The following ITGA6 variants were observed in gnomAD, a reference collection of about 807,000 sequenced individuals.
The protein encoded by ITGA6 is integrin alpha-6.
In ITGA6, 63 loss-of-function variants were observed where a neutral mutation model predicts 133.6. The observed-to-expected ratio is 0.47, with a 90% CI of 0.38 to 0.58. The LOEUF is 0.58. Among genes scored for constraint, ITGA6 ranks in the 20% least tolerant of loss-of-function variants. ITGA6 has a pLI of 0.00. For synonymous variants in ITGA6, 434 were observed against 482.0 expected (o/e 0.90, Z 1.30); for missense variants, 1,068 against 1,309.4 (o/e 0.82, Z 2.85).
In ITGA6 at chr2:172,450,210, C is replaced by T. The variant is rs142953307; in HGVS notation, c.183-15329C>T. Among the ~76,000 whole-genome samples, 35 of 152,254 alleles carry T rather than the reference C, an allele frequency of 2.3e-4. No homozygotes were observed. The East Asian group carries it at 3.1e-3, about 13-fold the overall frequency. Reference sequence around the variant, plus strand: ...ATTCAAATTTCATTCCATTGCCCATCGGAACCCACTGGAGGGCTGTAAGCA... The same window carrying T: ...ATTCAAATTTCATTCCATTGCCCATTGGAACCCACTGGAGGGCTGTAAGCA... On this transcript the variant is annotated intron_variant, in intron 1 of 25. Transcript: ENST00000684293.
chr2:172,470,122 CTT>C (rs1685857233), intron 4 of ITGA6, among the ~76,000 whole-genome samples: 1 of 152,146 alleles, frequency 6.6e-6, no homozygotes, highest in African/African-American at 2.4e-5. Flanking sequence ...TCACATAACA[CTT>C]TCACTCATCA....
chr2:172,471,064 A>G lies in ITGA6; in HGVS notation c.734A>G (p.His245Arg), dbSNP rs907583894. Residue 245 changes from histidine (H) to arginine (R), a missense_variant, in exon 5 of 26, where the codon CAT becomes CGT. Around this residue, in one of 3 missense-constraint regions of ITGA6, gnomAD observed 317 missense variants for 456.9 expected, o/e 0.69. Transcript: ENST00000684293. ...TATGAAGTTGGTGGAGAGACTGAGC[A>G]TGATGAAAGTCTCGTTCCTGTTCCT... ...GPYEVGGETE[H>R]DESLVPVPAN... The G allele has an allele frequency of 4.3e-6, 7 of 1,614,052 alleles. No individual in the cohort carries two copies. The highest frequency in any genetic ancestry group is 1.6e-4 in the Middle Eastern group (1 of 6,084).
At chr2:172,468,805 A>G (rs1192875672) in intron 3 of ITGA6, among the ~76,000 whole-genome samples, 2 of 152,210 alleles carry the variant, frequency 1.3e-5, no homozygotes, top group Non-Finnish European at 2.9e-5. Context: ...AGAAAATGAA[A>G]TAAGGTGTTT....
In ITGA6 at chr2:172,504,782, T is replaced by C. The variant is rs1480048025; in HGVS notation, c.*714T>C. On this transcript the variant is annotated 3_prime_UTR_variant, in exon 26 of 26. Transcript: ENST00000684293. ...GTTGCCATCCTACCGTCTTTTCCTGTTTCCTAGCTGTGTGAATACCTGCTC... is the reference window on the plus strand; with the variant it reads ...GTTGCCATCCTACCGTCTTTTCCTGCTTCCTAGCTGTGTGAATACCTGCTC... 6.5e-6 allele frequency: 1 copy of C among 152,898 alleles called. No individual in the cohort carries two copies. The highest frequency in any genetic ancestry group is 1.9e-4 in the East Asian group (1 of 5,194). The allele number at this position is 152,898 out of a possible 1,614,324, so 9.5% of individuals were successfully genotyped here.
At position 172,463,290 on chromosome 2, in the gene ITGA6, G is replaced by A. The variant is rs1441827655; in HGVS notation, c.183-2249G>A. Reference sequence around the variant, plus strand: ...GTGGGTGAGAAGAGGAAGTGGTTAGGAAGACACACAGTTAAGACAATGGGA... The same window carrying A: ...GTGGGTGAGAAGAGGAAGTGGTTAGAAAGACACACAGTTAAGACAATGGGA... On this transcript the variant is annotated intron_variant, in intron 1 of 25. Transcript: ENST00000684293. 3.3e-5 allele frequency among the ~76,000 whole-genome samples: 5 copies of A among 152,296 alleles called. No individual in the cohort carries two copies. In the East Asian group the frequency reaches 9.7e-4, roughly 29 times the overall value.
At chr2:172,462,684 C>A (rs1047065151) in intron 1 of ITGA6, among the ~76,000 whole-genome samples, 2 of 152,176 alleles carry the variant, frequency 1.3e-5, no homozygotes, top group African/African-American at 2.4e-5. Flanking sequence ...CAGATAGAGG[C>A]TGAGGGAAGC....
Position 172,491,380 on chromosome 2 carries a change from T to G in ITGA6, c.2890-45T>G. On this transcript the variant is annotated intron_variant, in intron 22 of 25. Coordinates refer to ENST00000684293, the MANE Select transcript of ITGA6 (RefSeq NM_000210.4). The surrounding 1 kb of genome is among the most constrained non-coding windows in gnomAD (Gnocchi z 4.4). Reference sequence around the variant, plus strand: ...CCCATGGAAGTAATTTGCCTTTGCCTAGGACACTTTTCACTTCCCTAATGC... The same window carrying G: ...CCCATGGAAGTAATTTGCCTTTGCCGAGGACACTTTTCACTTCCCTAATGC... 9 of 1,577,814 alleles carry G rather than the reference T, an allele frequency of 5.7e-6. No individual in the cohort carries two copies. The highest frequency in any genetic ancestry group is 7.8e-6 in the Non-Finnish European group (9 of 1,147,000).
chr2:172,487,215 A>G, intron 14 of ITGA6, 49 bp from the exon 15 acceptor site: 1 of 1,553,726 alleles, frequency 6.4e-7, no homozygotes, highest in Non-Finnish European at 8.9e-7. Flanking sequence ...TTTACTGGAA[A>G]CGTATTGAGG....
chr2:172,427,528 G>C, upstream of ITGA6: 2 of 1,150,318 alleles, frequency 1.7e-6, no homozygotes, highest in Non-Finnish European at 1.1e-6. Context: ...AGAGGGTGGG[G>C]AGGGGCGGGG....
In ITGA6 at chr2:172,491,102, GA is replaced by G; in HGVS notation, c.2761del (p.Arg921GlufsTer10). 6.5e-7 allele frequency: 1 copy of G among 1,543,374 alleles called. No homozygotes were observed. Among genetic ancestry groups the G allele is most frequent in the Non-Finnish European group, 9.0e-7 (1 of 1,115,638 alleles). On this transcript the variant is annotated frameshift_variant, in exon 21 of 26. Transcript: ENST00000684293. LOFTEE classifies it high-confidence loss of function. This position sits in a 1 kb window ranked among gnomAD's most constrained non-coding sequence, Gnocchi z 4.4. ...DDNRKFSLFA[E>X]RKYQTLNCSV... is the part of the protein sequence containing the mutation. ...TAACAGAAAATTTTCTTTATTTGCT[GA>G]AAGAAAATACCAGACTCTTGTAAGT... is the stretch of plus-strand genomic sequence containing the variant.
chr2:172,462,913 T>C (rs1685492629), intron 1 of ITGA6, among the ~76,000 whole-genome samples: 1 of 152,200 alleles, frequency 6.6e-6, no homozygotes, highest in Admixed American at 6.5e-5. Context: ...CCCTTTTCTC[T>C]GGCTCCTTCC....
chr2:172,474,362 G>A, intron 6 of ITGA6, 97 bp downstream of exon 6: 7 of 1,086,022 alleles, frequency 6.4e-6, no homozygotes, highest in Admixed American at 1.9e-5. Context: ...GTTCATTGAC[G>A]TAAAGAATAT....
At chr2:172,469,805 C>A (rs1178473076) in intron 4 of ITGA6, among the ~76,000 whole-genome samples, 1 of 152,110 alleles carries the variant, frequency 6.6e-6, no homozygotes, top group East Asian at 1.9e-4. Context: ...ATGGACATTT[C>A]TCTCTGTATA....
rs148330286 is a variant in ITGA6 at position 172,479,560 on chromosome 2, A to C, written c.1389-81A>C. 9.1e-4 allele frequency: 1,033 copies of C among 1,135,942 alleles called. 5 individuals carry two copies. In the African/African-American group the frequency reaches 0.011, roughly 12 times the overall value. The allele number at this position is 1,135,942 out of a possible 1,614,324, so 70.4% of individuals were successfully genotyped here. A position where few individuals can be genotyped will look rare whatever the true frequency, so the allele number is the denominator to read the frequency against. On this transcript the variant is annotated intron_variant, in intron 9 of 25. Transcript: ENST00000684293. ...GTTTTTAAGCTGTGCTGGGCAGCTA[A>C]GGATGCTCTCTAGTATGTGAATTAG...
intron 1 of ITGA6, among the ~76,000 whole-genome samples, chr2:172,457,295 CAAA>C (rs71403305): frequency 3.8e-5 from 3 of 79,342 alleles, no homozygotes; most frequent in South Asian, 4.7e-4. Context: ...ATTCTGTCTC[CAAA>C]AAAAAAAAAA....
At chr2:172,456,210 A>G (rs867431453) in intron 1 of ITGA6, among the ~76,000 whole-genome samples, 3 of 152,170 alleles carry the variant, frequency 2.0e-5, no homozygotes, top group Non-Finnish European at 2.9e-5. Flanking sequence ...AAGCTGCGGG[A>G]AAGGAGAGGG....
At chr2:172,482,666 A>G (rs1686498660) in intron 11 of ITGA6, among the ~76,000 whole-genome samples, 1 of 152,120 alleles carries the variant, frequency 6.6e-6, no homozygotes, top group Admixed American at 6.5e-5. Context: ...GTGAGCCTTT[A>G]TCTGGTTCAT....
chr2:172,502,003 T>A, intron 25 of ITGA6, 102 bp downstream of exon 25: 1 of 979,974 alleles, frequency 1.0e-6, no homozygotes, highest in African/African-American at 1.6e-5. Context: ...CATTAACAGA[T>A]GTTTCCAAAT....
intron 15 of ITGA6, 23 bp downstream of exon 15, chr2:172,487,476 T>C (rs1686737669): frequency 1.9e-6 from 3 of 1,612,076 alleles, no homozygotes; most frequent in Non-Finnish European, 2.5e-6. Context: ...AGAGACCAGC[T>C]GAGAGGGGAA....
Sources: allele counts gnomAD v4.1 joint callset (sites outside exome capture counted in the v4.1 genomes callset), GRCh38; gene constraint gnomAD v4.1.1; regional missense constraint gnomAD v4.1.1; non-coding constraint Gnocchi (gnomAD v3.1); transcripts MANE v1.5; gene names NCBI Gene and HGNC (gene_info 2026-07-23, HGNC 2026-07-21).